DNAH17: variants seen among roughly 807,000 people sequenced by gnomAD.
DNAH17 encodes the protein dynein axonemal heavy chain 17.
A neutral mutation model predicts 485.6 loss-of-function variants in DNAH17; 376 were observed. That is an observed-to-expected ratio of 0.77 (90% CI 0.71 to 0.84). The LOEUF is 0.84. Ranked by LOEUF, DNAH17 falls within the 40% of genes least tolerant of loss-of-function variation. DNAH17 has a pLI of 0.00. For synonymous variants in DNAH17, 3,031 were observed against 2,405.9 expected (o/e 1.26, Z -7.60); for missense variants, 6,370 against 5,839.3 (o/e 1.09, Z -2.96).
chr17:78,453,226 T>G, intron 65 of DNAH17, 117 bp downstream of exon 65: 2 of 1,411,460 alleles, frequency 1.4e-6, no homozygotes, highest in Admixed American at 4.4e-5. Flanking sequence ...GTCAAAGCCC[T>G]TGCTGCTTAC....
chr17:78,504,710 G>A (rs893538350), intron 31 of DNAH17, among the ~76,000 whole-genome samples: 1 of 152,112 alleles, frequency 6.6e-6, no homozygotes, highest in East Asian at 1.9e-4. Flanking sequence ...GAAGGAGCCC[G>A]CCCTGAGCCG....
chr17:78,439,066 C>A (rs567160012), intron 73 of DNAH17, 24 bp downstream of exon 73: 4 of 1,609,688 alleles, frequency 2.5e-6, no homozygotes, highest in Middle Eastern at 3.7e-4. Context: ...GAGCCCTTAC[C>A]CTGCAGTGCT....
intron 20 of DNAH17, among the ~76,000 whole-genome samples, chr17:78,530,875 C>T (rs1308829344): frequency 2.0e-5 from 3 of 152,192 alleles, no homozygotes; most frequent in Non-Finnish European, 2.9e-5. Context: ...TGTCACTCCT[C>T]CTGCTGCCCC....
In DNAH17 at chr17:78,460,402, G is replaced by A. The variant is rs1206484690; in HGVS notation, c.9340-145C>T. The A allele has an allele frequency of 1.0e-5, 7 of 696,764 alleles. 1 individual carries two copies. The highest frequency in any genetic ancestry group is 3.6e-5 in the South Asian group (2 of 55,866). The allele number at this position is 696,764 out of a possible 1,614,324, so 43.2% of individuals were successfully genotyped here. On this transcript the variant is annotated intron_variant, in intron 58 of 80. Coordinates refer to ENST00000389840, the MANE Select transcript of DNAH17 (RefSeq NM_173628.4). The stretch of plus-strand genomic sequence containing the variant: ...TATGTGTGCATATATGTGCATGAGT[G>A]TATGTGTGTGCATGTATGTGTATGT...
chr17:78,525,195 C>T (rs777086056), intron 24 of DNAH17, 34 bp from the exon 25 acceptor site: 5 of 1,603,740 alleles, frequency 3.1e-6, no homozygotes, highest in Admixed American at 3.3e-5. Flanking sequence ...AGTAGGGCTA[C>T]CTACCCTCAG....
chr17:78,527,397 A>G (rs2091107887), intron 22 of DNAH17, among the ~76,000 whole-genome samples: 1 of 151,992 alleles, frequency 6.6e-6, no homozygotes, highest in Non-Finnish European at 1.5e-5. Context: ...AAAAAACAAA[A>G]ACAAAAACCA....
In DNAH17 at chr17:78,483,559, G is replaced by C. The variant is rs770155586; in HGVS notation, c.7649+1309C>G. Among the ~76,000 whole-genome samples the C allele has an allele frequency of 2.0e-5, 3 of 152,272 alleles. No individual in the cohort carries two copies. The South Asian group carries it at 6.2e-4, about 32-fold the overall frequency. ...GCAGGAGAATCGCTGGAACCCAGGA[G>C]GCAGAGGTTGCAGTGAGCCAAGATC... is the stretch of plus-strand genomic sequence containing the variant. On this transcript the variant is annotated intron_variant, in intron 48 of 80. Transcript: ENST00000389840.
rs530350363 is a variant in DNAH17, at chr17:78,560,600, T to C, written c.2031+140A>G. On this transcript the variant is annotated intron_variant, in intron 13 of 80. Transcript: ENST00000389840. ...TTTCCCTCATGTCTTAAATATACCCTGGACACACTTAAGAAGTAAAGCTTT... is the reference window on the plus strand; with the variant it reads ...TTTCCCTCATGTCTTAAATATACCCCGGACACACTTAAGAAGTAAAGCTTT... 63 of 891,428 alleles carry C rather than the reference T, an allele frequency of 7.1e-5. No homozygotes were observed. In the African/African-American group the frequency reaches 9.9e-4, roughly 14 times the overall value. The allele number at this position is 891,428 out of a possible 1,614,324, so 55.2% of individuals were successfully genotyped here.
intron 51 of DNAH17, among the ~76,000 whole-genome samples, chr17:78,478,082 T>TCACCAC (rs2089147303): frequency 1.9e-5 from 1 of 51,936 alleles, no homozygotes; most frequent in Non-Finnish European, 3.4e-5. Context: ...ACCACCATCA[T>TCACCAC]CACCATCACC....
intron 30 of DNAH17, among the ~76,000 whole-genome samples, chr17:78,505,935 G>A (rs8082068): frequency 3.9e-5 from 6 of 152,030 alleles, no homozygotes; most frequent in Non-Finnish European, 5.9e-5. Context: ...CCGAGATCGC[G>A]CCATTGCACT....
At chr17:78,512,020 C>T (rs2090647996) in intron 26 of DNAH17, among the ~76,000 whole-genome samples, 1 of 152,184 alleles carries the variant, frequency 6.6e-6, no homozygotes, top group Non-Finnish European at 1.5e-5. Flanking sequence ...GCTTTTCCTT[C>T]CTTGGGCCTA....
At chr17:78,437,235 G>A (rs2086878262) in intron 74 of DNAH17, among the ~76,000 whole-genome samples, 1 of 152,204 alleles carries the variant, frequency 6.6e-6, no homozygotes, top group African/African-American at 2.4e-5. Context: ...GCCTCCAGCA[G>A]TGGGGCTCTG....
At chr17:78,440,440 T>G (rs928750409) in intron 72 of DNAH17, among the ~76,000 whole-genome samples, 1 of 151,580 alleles carries the variant, frequency 6.6e-6, no homozygotes, top group East Asian at 1.9e-4. Flanking sequence ...TTGTATGTTT[T>G]GTAGAGACGG....
At chr17:78,481,988 C>G (rs1014239990) in intron 48 of DNAH17, among the ~76,000 whole-genome samples, 15 of 151,946 alleles carry the variant, frequency 9.9e-5, no homozygotes, top group Non-Finnish European at 1.9e-4. Context: ...GCACTCCAGC[C>G]TGGGCAACAG....
At chr17:78,430,342 C>T (rs559939571) in intron 75 of DNAH17, among the ~76,000 whole-genome samples, 106 of 152,210 alleles carry the variant, frequency 7.0e-4, no homozygotes, top group African/African-American at 1.5e-3. Context: ...TTTTTTGGTA[C>T]CCAGCATGTG....
intron 36 of DNAH17, 69 bp downstream of exon 36, chr17:78,500,236 G>A (rs549998672): frequency 8.9e-5 from 133 of 1,491,788 alleles, no homozygotes; most frequent in South Asian, 5.6e-4. Context: ...GGCCTCGGAG[G>A]ACAGGGTGCT....
chr17:78,490,959 G>T, intron 43 of DNAH17, 112 bp from the exon 44 acceptor site: 1 of 1,326,172 alleles, frequency 7.5e-7, no homozygotes, highest in South Asian at 1.5e-5. Flanking sequence ...GAGGGGCCCA[G>T]GCCAGCCCTG....
chr17:78,473,456 A>ATGG (rs1312545812), intron 54 of DNAH17, among the ~76,000 whole-genome samples: 2 of 147,088 alleles, frequency 1.4e-5, no homozygotes, highest in African/African-American at 5.1e-5. Flanking sequence ...AGGCAGGAGA[A>ATGG]TGGTGTGAAC....
chr17:78,483,552 C>T (rs2089444728), intron 48 of DNAH17, among the ~76,000 whole-genome samples: 1 of 152,100 alleles, frequency 6.6e-6, no homozygotes, highest in Non-Finnish European at 1.5e-5. Context: ...ATCGCTGGAA[C>T]CCAGGAGGCA....
Sources: gnomAD v4.1 joint callset for allele counts (sites outside exome capture counted in the v4.1 genomes callset) on GRCh38, gnomAD v4.1.1 for gene constraint, MANE v1.5 for transcripts, NCBI Gene and HGNC (gene_info 2026-07-23, HGNC 2026-07-21) for gene names.